The following ACTG1 variants were observed in gnomAD, a reference collection of about 807,000 sequenced individuals.
The protein encoded by ACTG1 is actin, cytoplasmic 2.
A neutral mutation model predicts 34.3 loss-of-function variants in ACTG1; 14 were observed. The ratio of observed to expected loss-of-function variants is 0.41; its 90% CI spans 0.27 to 0.64. ACTG1 has a LOEUF of 0.64. ACTG1 is among the 30% of genes least tolerant of loss of function. The pLI is 0.33. For missense variants in ACTG1, 233 were observed against 529.5 expected (o/e 0.44, Z 5.50); for synonymous variants, 422 against 213.9 (o/e 1.97, Z -8.49).
At chr17:81,512,437 GC>G in intron 1 of ACTG1, 77 bp from the exon 2 acceptor site, 1 of 1,611,124 alleles carries the variant, frequency 6.2e-7, no homozygotes, top group Non-Finnish European at 8.5e-7. Context: ...ATGCCCTCCC[GC>G]GGGGAAGCCT....
rs117809695 is a variant in ACTG1, at chr17:81,511,780, G to T, written c.363+123C>A. The T allele has an allele frequency of 0.022, 34,978 of 1,562,062 alleles. 429 individuals carry two copies. Among genetic ancestry groups the T allele is most frequent in the Non-Finnish European group, 0.026 (30,277 of 1,148,306 alleles). On this transcript the variant is annotated intron_variant, in intron 3 of 5. Coordinates refer to ENST00000573283, the MANE Select transcript of ACTG1 (RefSeq NM_001614.5). ...TGAGAAACCTGGAGGCTTCAGGGAG[G>T]AAATGCCGGGAGAGGAACAGAGCCT... is the stretch of plus-strand genomic sequence containing the variant.
chr17:81,510,866 C>G (rs782670332), intron 5 of ACTG1, 33 bp from the exon 6 acceptor site: 5 of 1,598,030 alleles, frequency 3.1e-6, no homozygotes, highest in Middle Eastern at 1.6e-4. Context: ...CTTCAGCTCA[C>G]AGAGCGCCCC....
At chr17:81,512,687 G>C (rs944986066) in intron 1 of ACTG1, 47 bp downstream of exon 1, 1 of 398,646 alleles carries the variant, frequency 2.5e-6, no homozygotes, top group African/African-American at 2.2e-5. Context: ...GGGTCGGGGG[G>C]CGCAGGCCTG....
rs782351704 is a variant in ACTG1 at position 81,512,201 on chromosome 17, A to C, written c.123+31T>G. The C allele has an allele frequency of 3.7e-6, 6 of 1,613,156 alleles. No individual in the cohort carries two copies. In the East Asian group the frequency reaches 1.1e-4, roughly 30 times the overall value. On this transcript the variant is annotated intron_variant, in intron 2 of 5. Transcript: ENST00000573283. Reference sequence around the variant, plus strand: ...CACCGAACCCACCCCGCAACGCAGAACCCAGGAGCCCCGCGGCGCCATCCA... The same window carrying C: ...CACCGAACCCACCCCGCAACGCAGACCCCAGGAGCCCCGCGGCGCCATCCA...
Position 81,511,216 on chromosome 17 carries a change from C to G in ACTG1, c.774G>C (p.Pro258=), listed in dbSNP as rs61997068. The G allele has an allele frequency of 6.2e-7, 1 of 1,613,696 alleles. No homozygotes were observed. The highest frequency in any genetic ancestry group is 8.5e-7 in the Non-Finnish European group (1 of 1,180,028). The change falls in exon 4 of 6, where the codon CCG becomes CCC. Residue 258 remains proline (P), a synonymous_variant. Transcript: ENST00000573283. The stretch of plus-strand genomic sequence containing the variant: ...GGAAGGAAGGCTGGAACAGCGCCTC[C>G]GGACACCGGAACCGCTCATTGCCAA... ...ITIGNERFRC[P]EALFQPSFLG...
At chr17:81,511,738 C>G in intron 3 of ACTG1, 112 bp from the exon 4 acceptor site, 2 of 1,517,250 alleles carry the variant, frequency 1.3e-6, no homozygotes, top group Admixed American at 1.9e-5. Flanking sequence ...AAGAAAAGAA[C>G]GCAGGCAGAA....
At chr17:81,512,397 G>C in intron 1 of ACTG1, 37 bp from the exon 2 acceptor site, 1 of 1,613,576 alleles carries the variant, frequency 6.2e-7, no homozygotes. Context: ...GGGCGCGTCT[G>C]TAACACGGTC....
chr17:81,512,637 G>A (rs1485998950), intron 1 of ACTG1, 97 bp downstream of exon 1: 8 of 481,836 alleles, frequency 1.7e-5, no homozygotes, highest in Non-Finnish European at 2.6e-5. Flanking sequence ...TCCCGGGGAA[G>A]GCGCGACGAG....
chr17:81,511,884 G>A lies in ACTG1; in HGVS notation c.363+19C>T, dbSNP rs782033812. ...CTGGGGAAAGGACGGGAGGAGCACG[G>A]GCGTCGGCCGAGCCTCACCTGAGTC... On this transcript the variant is annotated intron_variant, in intron 3 of 5. Transcript: ENST00000573283. The A allele has an allele frequency of 1.2e-5, 20 of 1,613,898 alleles. No individual in the cohort carries two copies. The highest frequency in any genetic ancestry group is 1.7e-5 in the Non-Finnish European group (20 of 1,179,956).
intron 1 of ACTG1, 87 bp downstream of exon 1, chr17:81,512,647 G>A (rs1336629615): frequency 2.2e-6 from 1 of 458,584 alleles, no homozygotes; most frequent in East Asian, 4.6e-5. Context: ...GGCGCGACGA[G>A]GCCTCGGCAG....
In ACTG1 at chr17:81,510,670, T is replaced by TA. The variant is rs1248520008; in HGVS notation, c.*19dup. 6.2e-7 allele frequency: 1 copy of TA among 1,613,236 alleles called. No homozygotes were observed. Among genetic ancestry groups the TA allele is most frequent in the Non-Finnish European group, 8.5e-7 (1 of 1,179,686 alleles). The stretch of plus-strand genomic sequence containing the variant: ...CTCAATTAACCCATGCAGCAAATGC[T>TA]ACGCATCTGCTGAGTCCGTTTAGAA... On this transcript the variant is annotated 3_prime_UTR_variant, in exon 6 of 6. Transcript: ENST00000573283.
In ACTG1 at chr17:81,511,068, G is replaced by T. The variant is rs1555666510; in HGVS notation, c.843C>A (p.Ser281=). 3.7e-5 allele frequency: 60 copies of T among 1,614,046 alleles called. No individual in the cohort carries two copies. Among genetic ancestry groups the T allele is most frequent in the Non-Finnish European group, 5.1e-5 (60 of 1,180,038 alleles). Residue 281 remains serine, a synonymous_variant, in exon 5 of 6, where the codon TCC becomes TCA. Coordinates refer to ENST00000573283, the MANE Select transcript of ACTG1 (RefSeq NM_001614.5). The stretch of plus-strand genomic sequence containing the variant: ...GGATGTCCACGTCACACTTCATGAT[G>T]GAGTTGAAGGTGGTCTCGTGGATGC... ...SCGIHETTFN[S]IMKCDVDIRK...
At chr17:81,511,650 T>G (rs372941147) in intron 3 of ACTG1, 24 bp from the exon 4 acceptor site, 2 of 1,608,962 alleles carry the variant, frequency 1.2e-6, no homozygotes, top group African/African-American at 1.3e-5. Flanking sequence ...AGGGGCGGCT[T>G]AGTCAGGGAC....
Position 81,510,265 on chromosome 17 carries a change from AAAC to A in ACTG1, c.*422_*424del, listed in dbSNP as rs782715331. The A allele has an allele frequency of 4.5e-5, 24 of 527,504 alleles. No individual in the cohort carries two copies. Among genetic ancestry groups the A allele is most frequent in the South Asian group, 3.0e-4 (19 of 63,416 alleles). 32.7% of individuals were successfully genotyped at this position (527,504 alleles called of 1,614,324 possible). A position where few individuals can be genotyped will look rare whatever the true frequency, so the allele number is the denominator to read the frequency against. On this transcript the variant is annotated 3_prime_UTR_variant, in exon 6 of 6. Coordinates refer to ENST00000573283, the MANE Select transcript of ACTG1 (RefSeq NM_001614.5). ...CCAACCCTGACAGACCCGCAAGACA[AAAC>A]AACTGGTTCTTGCCAGCCTCTAGAG...
chr17:81,512,511 C>T (rs1413937745), intron 1 of ACTG1, 151 bp from the exon 2 acceptor site: 49 of 1,322,562 alleles, frequency 3.7e-5, no homozygotes, highest in Admixed American at 7.4e-5. Context: ...AACCGAAGGC[C>T]GGGCCTTTTA....
chr17:81,512,065 C>G lies in ACTG1; in HGVS notation c.201G>C (p.Leu67=), dbSNP rs782754511. 36 of 1,614,008 alleles carry G rather than the reference C, an allele frequency of 2.2e-5. No homozygotes were observed. In the Admixed American group the frequency reaches 3.0e-4, roughly 13 times the overall value. ...CGATGCCATGCTCAATGGGGTACTTCAGGGTCAGGATGCCACGCTTGCTCT... is the reference window on the plus strand; with the variant it reads ...CGATGCCATGCTCAATGGGGTACTTGAGGGTCAGGATGCCACGCTTGCTCT... ...EAQSKRGILT[L]KYPIEHGIVT... Residue 67 remains leucine (L), a synonymous_variant, in exon 3 of 6, where the codon CTG becomes CTC. Coordinates refer to ENST00000573283, the MANE Select transcript of ACTG1 (RefSeq NM_001614.5).
intron 2 of ACTG1, 39 bp downstream of exon 2, chr17:81,512,193 A>C: frequency 6.2e-7 from 1 of 1,612,778 alleles, no homozygotes; most frequent in Non-Finnish European, 8.5e-7. Context: ...CCCACCCCGC[A>C]ACGCAGAACC....
Position 81,512,367 on chromosome 17 carries a change from G to T in ACTG1, c.-6-7C>A. ...TCTCTTCTTCCATTGCGACCTGCCC[G>T]GAAAAGGATGGACTCAGGCGGGCGC... On this transcript the variant is annotated splice_region_variant and splice_polypyrimidine_tract_variant and intron_variant, in intron 1 of 5. Transcript: ENST00000573283. 1.9e-6 allele frequency: 3 copies of T among 1,613,916 alleles called. No individual in the cohort carries two copies. Among genetic ancestry groups the T allele is most frequent in the Non-Finnish European group, 2.5e-6 (3 of 1,179,938 alleles).
rs145214386 is a variant in ACTG1 at position 81,512,702 on chromosome 17, G to A, written c.-7+32C>T. The A allele has an allele frequency of 7.6e-3, 3,075 of 406,428 alleles. 91 individuals carry two copies. The highest frequency in any genetic ancestry group is 0.063 in the African/African-American group (2,851 of 45,398). The allele number at this position is 406,428 out of a possible 1,614,324, so 25.2% of individuals were successfully genotyped here. On this transcript the variant is annotated intron_variant, in intron 1 of 5. Transcript: ENST00000573283. ...GGGTCGGGGGGCGCAGGCCTGCGAC[G>A]TCCAGCTCAGGCCCCGGGGCGGGGC...
Sources: gnomAD v4.1 joint callset for allele counts on GRCh38, gnomAD v4.1.1 for gene constraint, MANE v1.5 for transcripts, NCBI Gene and HGNC (gene_info 2026-07-23, HGNC 2026-07-21) for gene names.